Variants in ARHGEF10 observed in about 807,000 individuals in gnomAD.
The protein encoded by ARHGEF10 is Rho guanine nucleotide exchange factor (GEF) 10.
Under a neutral mutation model 147.4 loss-of-function variants are expected in ARHGEF10, and 140 were observed. The ratio of observed to expected loss-of-function variants is 0.95; its 90% CI spans 0.83 to 1.09. ARHGEF10 has a LOEUF of 1.09. ARHGEF10 is among the 50% of genes least tolerant of loss of function. The pLI, the probability that ARHGEF10 is intolerant of heterozygous loss-of-function variation, is 0.00. For missense variants in ARHGEF10, 2,222 were observed against 1,752.7 expected, an observed-to-expected ratio of 1.27 and a Z score of -4.78; for synonymous variants, 902 against 695.8, an observed-to-expected ratio of 1.30 and a Z score of -4.67.
rs773381298 is a variant in ARHGEF10 at position 1,956,929 on chromosome 8, A to G, written c.3701A>G (p.Gln1234Arg). The change falls in exon 29 of 29, where the codon CAG becomes CGG. Residue 1234 changes from glutamine (Q) to arginine (R), a missense_variant. Transcript: ENST00000349830. ...GGAGGAGCTGGTTCATCTCTGAGCC[A>G]GGGTGACCCTGACGCAGCCATCTGG... The part of the protein sequence containing the change: ...PSGGAGSSLS[Q>R]GDPDAAIWLG... 1 of 1,614,194 alleles carries G rather than the reference A, an allele frequency of 6.2e-7. No homozygotes were observed. Among genetic ancestry groups the G allele is most frequent in the Non-Finnish European group, 8.5e-7 (1 of 1,180,032 alleles).
rs75038583 is a variant in ARHGEF10, at chr8:1,858,123, T to C, written c.193+8T>C. On this transcript the variant is annotated splice_region_variant and intron_variant, in intron 3 of 28. Coordinates refer to ENST00000349830, the MANE Select transcript of ARHGEF10 (RefSeq NM_014629.4). ...AAGCCCCTGCACCCACAGGTGAGTT[T>C]CCAGGAGGGTCCCCAGGTGAGTCCC... 2 of 1,435,392 alleles carry C rather than the reference T, an allele frequency of 1.4e-6. No homozygotes were observed. The highest frequency in any genetic ancestry group is 9.3e-7 in the Non-Finnish European group (1 of 1,077,526). 88.9% of individuals were successfully genotyped at this position (1,435,392 alleles called of 1,614,324 possible). A position where few individuals can be genotyped will look rare whatever the true frequency, so the allele number is the denominator to read the frequency against.
chr8:1,919,881 A>G (rs1181968713), intron 18 of ARHGEF10, among the ~76,000 whole-genome samples: 1 of 135,630 alleles, frequency 7.4e-6, no homozygotes, highest in Non-Finnish European at 1.5e-5. Context: ...TCTGTGGGTG[A>G]TGAGCTGTTC....
chr8:1,935,207 G>A (rs1388978196), intron 26 of ARHGEF10, among the ~76,000 whole-genome samples: 2 of 151,762 alleles, frequency 1.3e-5, no homozygotes, highest in Non-Finnish European at 2.9e-5. Flanking sequence ...TCCCACACAC[G>A]CACACCCCCC....
intron 11 of ARHGEF10, among the ~76,000 whole-genome samples, chr8:1,886,733 A>C (rs551248199): frequency 1.3e-5 from 2 of 152,266 alleles, no homozygotes; most frequent in East Asian, 3.9e-4. Context: ...TCATCCTTGC[A>C]AATCCCGTTG....
chr8:1,956,510 AAC>A (rs1472923703), intron 28 of ARHGEF10, among the ~76,000 whole-genome samples: 1 of 152,230 alleles, frequency 6.6e-6, no homozygotes, highest in East Asian at 1.9e-4. Flanking sequence ...TGCTGAGGAA[AAC>A]ACAACTTTCT....
At chr8:1,898,137 G>A (rs535720169) in intron 14 of ARHGEF10, among the ~76,000 whole-genome samples, 1 of 152,178 alleles carries the variant, frequency 6.6e-6, no homozygotes, top group African/African-American at 2.4e-5. Flanking sequence ...ACTATGGCCA[G>A]AACACAGACA....
chr8:1,861,424 G>A (rs1446195610), intron 4 of ARHGEF10, among the ~76,000 whole-genome samples: 2 of 152,318 alleles, frequency 1.3e-5, no homozygotes, highest in African/African-American at 2.4e-5. Flanking sequence ...CTTCAGGAGC[G>A]ACCCAGTCGA....
chr8:1,923,777 TG>T lies in ARHGEF10; in HGVS notation c.2394del (p.Arg799AspfsTer31). 6.2e-7 allele frequency: 1 copy of T among 1,614,214 alleles called. No homozygotes were observed. The highest frequency in any genetic ancestry group is 8.5e-7 in the Non-Finnish European group (1 of 1,180,020). ...GCTTGTCTGTTGTTTCTGGCAGATC[TG>T]GGCGACCGACGTTCTTTACAGCTGT... is the stretch of plus-strand genomic sequence containing the variant. Reference protein sequence around the residue: ...LQLPGKQDKSGRPTFFTAVFN... With the variant: ...LQLPGKQDKSXRPTFFTAVFN... On this transcript the variant is annotated frameshift_variant, in exon 21 of 29. Coordinates refer to ENST00000349830, the MANE Select transcript of ARHGEF10 (RefSeq NM_014629.4). LOFTEE classifies it high-confidence loss of function.
chr8:1,851,543 T>C (rs1219256951), intron 2 of ARHGEF10, among the ~76,000 whole-genome samples: 2 of 152,106 alleles, frequency 1.3e-5, no homozygotes, highest in Non-Finnish European at 2.9e-5. Flanking sequence ...GTGGGGAGTA[T>C]ATGAGAACTC....
At chr8:1,910,114 G>C (rs534220644) in intron 18 of ARHGEF10, among the ~76,000 whole-genome samples, 1 of 151,734 alleles carries the variant, frequency 6.6e-6, no homozygotes, top group Admixed American at 6.6e-5. Flanking sequence ...TCCAAAGAAC[G>C]ACTGGCTAAG....
intron 18 of ARHGEF10, 77 bp from the exon 19 acceptor site, chr8:1,922,887 C>T (rs572023294): frequency 9.7e-7 from 1 of 1,027,132 alleles, no homozygotes; most frequent in Non-Finnish European, 1.5e-6. Context: ...GTATTTGAGT[C>T]TTTTCTTCCC....
chr8:1,912,571 T>C (rs992315589), intron 18 of ARHGEF10, among the ~76,000 whole-genome samples: 10 of 110,834 alleles, frequency 9.0e-5, no homozygotes, highest in Admixed American at 7.5e-4. Flanking sequence ...GGGAGCTCCC[T>C]GTCCCTGCAA....
chr8:1,930,108 G>A (rs1813005753), intron 25 of ARHGEF10, among the ~76,000 whole-genome samples: 1 of 151,990 alleles, frequency 6.6e-6, no homozygotes, highest in African/African-American at 2.4e-5. Flanking sequence ...CTTGGTGCTG[G>A]CTGAGGCTGC....
chr8:1,957,223 C>T lies in ARHGEF10; in HGVS notation c.3995C>T (p.Pro1332Leu), dbSNP rs750728335. 1.2e-5 allele frequency: 19 copies of T among 1,611,828 alleles called. No individual in the cohort carries two copies. Among genetic ancestry groups the T allele is most frequent in the Non-Finnish European group, 1.4e-5 (17 of 1,179,894 alleles). ...CAGCCCCACCAGGAAGAGCTGGCGC[C>T]GACCGTCATGGTCTGGCAGATCCCT... ...ARQPHQEELA[P>L]TVMVWQIPLL... Residue 1332 changes from proline (P) to leucine (L), a missense_variant, in exon 29 of 29, where the codon CCG (proline) becomes CTG (leucine). Transcript: ENST00000349830.
intron 23 of ARHGEF10, among the ~76,000 whole-genome samples, chr8:1,927,948 G>GA (rs1287135996): frequency 3.3e-5 from 5 of 150,550 alleles, no homozygotes; most frequent in East Asian, 1.9e-4. Flanking sequence ...CCAAAAAAAA[G>GA]AAAAAAAAAG....
chr8:1,852,898 C>G (rs987553428), intron 2 of ARHGEF10, among the ~76,000 whole-genome samples: 4 of 152,324 alleles, frequency 2.6e-5, no homozygotes, highest in Middle Eastern at 3.4e-3. Context: ...GGTGTCGTGT[C>G]AAGCTGCCGG....
intron 17 of ARHGEF10, among the ~76,000 whole-genome samples, chr8:1,909,067 C>T (rs766300995): frequency 2.6e-5 from 4 of 152,230 alleles, no homozygotes; most frequent in African/African-American, 9.7e-5. Context: ...GGAGATCCGT[C>T]CCCTGTGCGG....
chr8:1,903,508 A>C, intron 16 of ARHGEF10, 57 bp downstream of exon 16: 1 of 1,598,802 alleles, frequency 6.3e-7, no homozygotes. Context: ...TGTGCTAATA[A>C]GCTGTCGTTG....
intron 14 of ARHGEF10, among the ~76,000 whole-genome samples, chr8:1,898,180 C>G (rs555430565): frequency 1.2e-4 from 19 of 152,298 alleles, no homozygotes; most frequent in Non-Finnish European, 2.6e-4. Context: ...TGCCCAGTCC[C>G]CTGGCCCGGG....
Sources: allele counts gnomAD v4.1 joint callset (sites outside exome capture counted in the v4.1 genomes callset), GRCh38; gene constraint gnomAD v4.1.1; transcripts MANE v1.5; gene names NCBI Gene and HGNC (gene_info 2026-07-23, HGNC 2026-07-21).